DYNC1I1: variants seen among roughly 807,000 people sequenced by gnomAD.
DYNC1I1 encodes the protein dynein cytoplasmic 1 intermediate chain 1.
Under a neutral mutation model 86.6 loss-of-function variants are expected in DYNC1I1, and 43 were observed. That is an observed-to-expected ratio of 0.50 (90% CI 0.39 to 0.64). The LOEUF (loss-of-function observed/expected upper bound fraction) is 0.64, where lower values mean the gene tolerates loss of function less well. Ranked by LOEUF, DYNC1I1 falls within the 30% of genes least tolerant of loss-of-function variation. The pLI, the probability that DYNC1I1 is intolerant of heterozygous loss-of-function variation, is 0.00. For synonymous variants in DYNC1I1, 262 were observed against 283.7 expected (o/e 0.92, Z 0.77); for missense variants, 604 against 788.8 (o/e 0.77, Z 2.81).
intron 6 of DYNC1I1, among the ~76,000 whole-genome samples, chr7:95,943,379 G>C (rs1450781696): frequency 4.0e-5 from 6 of 151,708 alleles, no homozygotes; most frequent in South Asian, 2.1e-4. Flanking sequence ...AAAGAGGATA[G>C]AAAGAAATGG....
At chr7:95,919,548 A>G (rs1791558715) in intron 6 of DYNC1I1, among the ~76,000 whole-genome samples, 1 of 152,232 alleles carries the variant, frequency 6.6e-6, no homozygotes, top group Non-Finnish European at 1.5e-5. Flanking sequence ...CATATGAGAA[A>G]AGCTGCAACA....
intron 6 of DYNC1I1, among the ~76,000 whole-genome samples, chr7:95,971,622 G>A (rs113007888): frequency 6.6e-6 from 1 of 152,094 alleles, no homozygotes. Flanking sequence ...CATCTTGGAA[G>A]CTTGTTTCTA....
chr7:96,046,320 G>A (rs2116076922), intron 14 of DYNC1I1, among the ~76,000 whole-genome samples: 1 of 152,262 alleles, frequency 6.6e-6, no homozygotes, highest in East Asian at 1.9e-4. Context: ...ATTTTAAGGA[G>A]TTTGCTTTGG....
At chr7:96,060,959 G>A (rs1789747496) in intron 14 of DYNC1I1, among the ~76,000 whole-genome samples, 1 of 152,224 alleles carries the variant, frequency 6.6e-6, no homozygotes, top group African/African-American at 2.4e-5. Flanking sequence ...CAATGGCTGA[G>A]GCTGGAGAAA....
chr7:95,788,777 T>G (rs1794215068), intron 1 of DYNC1I1, among the ~76,000 whole-genome samples: 1 of 152,178 alleles, frequency 6.6e-6, no homozygotes, highest in African/African-American at 2.4e-5. Context: ...AGGCTGTGAT[T>G]GGGTGGGAAA....
At chr7:96,107,624 T>C (rs1448765949) in intron 16 of DYNC1I1, among the ~76,000 whole-genome samples, 2 of 151,626 alleles carry the variant, frequency 1.3e-5, no homozygotes, top group African/African-American at 4.8e-5. Flanking sequence ...CTCCACCTCC[T>C]GGGTTCAAGG....
chr7:95,988,231 G>A (rs1048090973), intron 9 of DYNC1I1, among the ~76,000 whole-genome samples: 1 of 152,100 alleles, frequency 6.6e-6, no homozygotes, highest in African/African-American at 2.4e-5. Flanking sequence ...GCAAAAAGTA[G>A]CCGAGTGTGG....
chr7:96,092,237 A>G (rs1198736753), intron 16 of DYNC1I1, among the ~76,000 whole-genome samples: 3 of 152,242 alleles, frequency 2.0e-5, no homozygotes, highest in Admixed American at 1.3e-4. Context: ...AGAATATGCA[A>G]GGAAGAAAGA....
At chr7:95,886,487 GA>G (rs11285446) in intron 6 of DYNC1I1, among the ~76,000 whole-genome samples, 8,340 of 149,190 alleles carry the variant, frequency 0.056, 558 homozygotes, top group African/African-American at 0.14. Context: ...CTCACCAAAA[GA>G]AAAAAAAAAT....
chr7:96,025,510 G>T (rs1203700081), intron 10 of DYNC1I1, among the ~76,000 whole-genome samples: 1 of 152,112 alleles, frequency 6.6e-6, no homozygotes, highest in Non-Finnish European at 1.5e-5. Flanking sequence ...GACTCTGGAA[G>T]CAGAACTCTG....
chr7:95,790,991 G>A (rs1274315295), intron 1 of DYNC1I1, among the ~76,000 whole-genome samples: 1 of 152,208 alleles, frequency 6.6e-6, no homozygotes, highest in African/African-American at 2.4e-5. Context: ...GTAAATTTGA[G>A]AGAGAATTAA....
At chr7:96,110,278 G>A (rs956523735), downstream of DYNC1I1, 1 of 199,664 alleles carries the variant, frequency 5.0e-6, no homozygotes, top group Admixed American at 6.0e-5. Context: ...ATGAAATGTT[G>A]CTGTTTATTC....
chr7:95,906,913 TA>T (rs1323228122), intron 6 of DYNC1I1, among the ~76,000 whole-genome samples: 1 of 152,190 alleles, frequency 6.6e-6, no homozygotes, highest in Non-Finnish European at 1.5e-5. Flanking sequence ...AGTCTTAGAA[TA>T]AATCTGAATA....
At chr7:95,919,089 G>T (rs998771452) in intron 6 of DYNC1I1, among the ~76,000 whole-genome samples, 2 of 152,160 alleles carry the variant, frequency 1.3e-5, no homozygotes, top group Non-Finnish European at 2.9e-5. Flanking sequence ...ACAACATGCT[G>T]ATTGTTTGCT....
intron 10 of DYNC1I1, among the ~76,000 whole-genome samples, chr7:95,998,029 G>T (rs1368910762): frequency 1.3e-5 from 2 of 152,194 alleles, no homozygotes; most frequent in Non-Finnish European, 2.9e-5. Context: ...CATAATAAAG[G>T]CAATTTGGTT....
At chr7:95,802,328 T>C (rs2618971) in intron 1 of DYNC1I1, among the ~76,000 whole-genome samples, 18,900 of 152,130 alleles carry the variant, frequency 0.12, 1,277 homozygotes, top group African/African-American at 0.18. Context: ...AGTTCCTTGG[T>C]CCCTCTTGGC....
intron 6 of DYNC1I1, among the ~76,000 whole-genome samples, chr7:95,953,461 C>T (rs1290384739): frequency 2.6e-5 from 4 of 152,062 alleles, no homozygotes; most frequent in Admixed American, 1.3e-4. Flanking sequence ...GGATTTTTGC[C>T]ACCTGGTTAT....
At chr7:95,792,683 C>T (rs1194450326) in intron 1 of DYNC1I1, among the ~76,000 whole-genome samples, 1 of 151,370 alleles carries the variant, frequency 6.6e-6, no homozygotes, top group East Asian at 1.9e-4. Context: ...ATGATTTTCT[C>T]CTTCTAATCT....
intron 5 of DYNC1I1, among the ~76,000 whole-genome samples, chr7:95,864,624 G>T (rs868322859): frequency 2.0e-5 from 3 of 152,126 alleles, no homozygotes; most frequent in African/African-American, 2.4e-5. Flanking sequence ...TCCACTGCCC[G>T]GTCTGGAATC....
Sources: allele counts gnomAD v4.1 joint callset (sites outside exome capture counted in the v4.1 genomes callset), GRCh38; gene constraint gnomAD v4.1.1; transcripts MANE v1.5; gene names NCBI Gene and HGNC (gene_info 2026-07-23, HGNC 2026-07-21).